SAMD4A: variants seen among roughly 807,000 people sequenced by gnomAD.
SAMD4A encodes sterile alpha motif domain containing 4A, also known as protein Smaug homolog 1.
A neutral mutation model predicts 81.3 loss-of-function variants in SAMD4A; 33 were observed. The ratio of observed to expected loss-of-function variants is 0.41; its 90% CI spans 0.31 to 0.54. The LOEUF (loss-of-function observed/expected upper bound fraction) is 0.54, where lower values mean the gene tolerates loss of function less well. SAMD4A is among the 20% of genes least tolerant of loss of function. The pLI, the probability that SAMD4A is intolerant of heterozygous loss-of-function variation, is 0.37. For synonymous variants in SAMD4A, 389 were observed against 382.1 expected, an observed-to-expected ratio of 1.02 and a Z score of -0.21; for missense variants, 854 against 951.1, an observed-to-expected ratio of 0.90 and a Z score of 1.34.
Position 54,702,286 on chromosome 14 carries a change from A to G in SAMD4A, c.421A>G (p.Ser141Gly). The change falls in exon 3 of 13, where the codon AGT (serine) becomes GGT (glycine). Residue 141 changes from serine to glycine, a missense_variant. Physicochemically the swap from Ser to Gly is moderately conservative, Grantham distance 56 (BLOSUM62 0). Transcript: ENST00000554335. ...IHPATSLEDR[S>G]ALAMWLNHLE... Reference sequence around the variant, plus strand: ...TCCAGCCACTTCGTTAGAAGACCGTAGTGCTTTAGCCATGTGGCTGAATCA... The same window carrying G: ...TCCAGCCACTTCGTTAGAAGACCGTGGTGCTTTAGCCATGTGGCTGAATCA... 6.2e-7 allele frequency: 1 copy of G among 1,614,214 alleles called. No homozygotes were observed. The highest frequency in any genetic ancestry group is 8.5e-7 in the Non-Finnish European group (1 of 1,180,042).
At chr14:54,675,463 G>C (rs1169071542) in intron 2 of SAMD4A, among the ~76,000 whole-genome samples, 1 of 150,122 alleles carries the variant, frequency 6.7e-6, no homozygotes, top group Non-Finnish European at 1.5e-5. Context: ...ATTTTTGCTT[G>C]AGAGTCAAAC....
Position 54,737,147 on chromosome 14 carries a change from G to A in SAMD4A, c.839G>A (p.Gly280Glu). 1 of 1,614,110 alleles carries A rather than the reference G, an allele frequency of 6.2e-7. No homozygotes were observed. Among genetic ancestry groups the A allele is most frequent in the South Asian group, 1.1e-5 (1 of 91,072 alleles). Residue 280 changes from glycine to glutamate, a missense_variant, in exon 4 of 13, where the codon GGA becomes GAA. Gly to Glu is a moderately conservative substitution (Grantham distance 98). Around this residue, in one of 3 missense-constraint regions of SAMD4A, gnomAD observed 387 missense variants for 405.8 expected, o/e 0.95. Transcript: ENST00000554335. ...TCTCATGAGGACTTACGAGCTAGAG[G>A]ACCCCAGTGCCTCCCATCCGATCAT... is the stretch of plus-strand genomic sequence containing the variant. ...WMSHEDLRAR[G>E]PQCLPSDHAP...
At chr14:54,568,597 A>T (rs2033022476) in intron 2 of SAMD4A, among the ~76,000 whole-genome samples, 1 of 149,842 alleles carries the variant, frequency 6.7e-6, no homozygotes, top group Non-Finnish European at 1.5e-5. Context: ...CAATTTTATT[A>T]TTCATTTTTC....
intron 2 of SAMD4A, among the ~76,000 whole-genome samples, chr14:54,629,675 A>G (rs1053971866): frequency 6.6e-6 from 1 of 151,860 alleles, no homozygotes; most frequent in Non-Finnish European, 1.5e-5. Context: ...TTTTTTTTCA[A>G]TTGCGGTAAA....
intron 2 of SAMD4A, among the ~76,000 whole-genome samples, chr14:54,595,253 T>C (rs2033881023): frequency 1.3e-5 from 2 of 152,112 alleles, no homozygotes. Flanking sequence ...GATTTTCTTC[T>C]CACATTTGAG....
At chr14:54,575,949 G>A (rs914137950) in intron 2 of SAMD4A, among the ~76,000 whole-genome samples, 3 of 146,090 alleles carry the variant, frequency 2.1e-5, no homozygotes, top group Non-Finnish European at 3.0e-5. Context: ...GCACTCTAGC[G>A]ATCAGTGTCT....
At chr14:54,632,773 C>T (rs1363817356) in intron 2 of SAMD4A, among the ~76,000 whole-genome samples, 1 of 152,210 alleles carries the variant, frequency 6.6e-6, no homozygotes, top group Non-Finnish European at 1.5e-5. Context: ...GGGTAAGTTA[C>T]TTAAGCTCAC....
intron 3 of SAMD4A, among the ~76,000 whole-genome samples, chr14:54,723,115 A>C (rs920606844): frequency 1.8e-4 from 25 of 137,684 alleles, no homozygotes; most frequent in Middle Eastern, 3.7e-3. Flanking sequence ...AAAAAAAAAA[A>C]CCCATCTAGG....
chr14:54,644,510 G>A (rs2035243517), intron 2 of SAMD4A, among the ~76,000 whole-genome samples: 2 of 152,130 alleles, frequency 1.3e-5, no homozygotes, highest in Admixed American at 6.5e-5. Context: ...CACAGTGCAG[G>A]TGAGAAAAGA....
At chr14:54,775,758 G>A (rs983062691) in intron 10 of SAMD4A, among the ~76,000 whole-genome samples, 1 of 152,112 alleles carries the variant, frequency 6.6e-6, no homozygotes, top group Non-Finnish European at 1.5e-5. Flanking sequence ...ACACAAGTAG[G>A]TCTGAGGTTC....
At chr14:54,570,432 G>A (rs2033096419) in intron 2 of SAMD4A, among the ~76,000 whole-genome samples, 1 of 152,156 alleles carries the variant, frequency 6.6e-6, no homozygotes, top group Admixed American at 6.5e-5. Context: ...TCTTATTCTA[G>A]ACACAATCCT....
intron 2 of SAMD4A, among the ~76,000 whole-genome samples, chr14:54,602,823 T>G (rs1444648985): frequency 2.0e-5 from 3 of 152,216 alleles, no homozygotes; most frequent in Admixed American, 2.0e-4. Flanking sequence ...ATTCGCCTTC[T>G]TACATTCTCT....
At chr14:54,574,202 G>C (rs1594679985) in intron 2 of SAMD4A, among the ~76,000 whole-genome samples, 1 of 152,178 alleles carries the variant, frequency 6.6e-6, no homozygotes, top group East Asian at 1.9e-4. Context: ...GAGTTGCAGA[G>C]CTGAAACAAA....
intron 3 of SAMD4A, among the ~76,000 whole-genome samples, chr14:54,719,985 C>A (rs1189756202): frequency 6.6e-6 from 1 of 152,136 alleles, no homozygotes; most frequent in Non-Finnish European, 1.5e-5. Flanking sequence ...TTCTTCCTCG[C>A]TCTTTAAAGA....
intron 2 of SAMD4A, chr14:54,681,718 C>A: frequency 1.1e-6 from 1 of 871,720 alleles, no homozygotes; most frequent in Non-Finnish European, 1.4e-6. Flanking sequence ...AGGTGTGAGC[C>A]ACCACGCCCT....
intron 2 of SAMD4A, among the ~76,000 whole-genome samples, chr14:54,672,358 T>G (rs1044536818): frequency 2.0e-5 from 3 of 152,080 alleles, no homozygotes; most frequent in African/African-American, 7.2e-5. Flanking sequence ...GTGGGAAGAT[T>G]AAAACCAACC....
intron 3 of SAMD4A, among the ~76,000 whole-genome samples, chr14:54,715,832 A>G (rs951942147): frequency 6.6e-6 from 1 of 152,180 alleles, no homozygotes; most frequent in Non-Finnish European, 1.5e-5. Flanking sequence ...ACACAGTATC[A>G]TGAGTTCCTT....
intron 4 of SAMD4A, among the ~76,000 whole-genome samples, chr14:54,746,868 C>T (rs556884864): frequency 1.6e-4 from 25 of 152,320 alleles, no homozygotes; most frequent in African/African-American, 6.0e-4. Context: ...AAACGTGAAA[C>T]CTGGTGACAG....
rs115488709 is a variant in SAMD4A, at chr14:54,659,426, G to T, written c.197-42636G>T. 8.2e-3 allele frequency among the ~76,000 whole-genome samples: 1,249 copies of T among 152,216 alleles called. 16 individuals are homozygous for T. Among genetic ancestry groups the T allele is most frequent in the African/African-American group, 0.029 (1,188 of 41,526 alleles). On this transcript the variant is annotated intron_variant, in intron 2 of 12. Coordinates refer to ENST00000554335, the MANE Select transcript of SAMD4A (RefSeq NM_015589.6). ...TGCGTGCGCACGCACACACATGTCC[G>T]TCTGTCTCTCTTTTTGGTTTGTTTG... is the stretch of plus-strand genomic sequence containing the variant.
Sources: gnomAD v4.1 joint callset for allele counts (sites outside exome capture counted in the v4.1 genomes callset) on GRCh38, gnomAD v4.1.1 for gene constraint, gnomAD v4.1.1 regional missense constraint, MANE v1.5 for transcripts, NCBI Gene and HGNC (gene_info 2026-07-23, HGNC 2026-07-21) for gene names.